ASIC2: variants seen among roughly 807,000 people sequenced by gnomAD.
The protein encoded by ASIC2 is acid-sensing ion channel 2.
In ASIC2, 25 loss-of-function variants were observed where a neutral mutation model predicts 57.3. The observed-to-expected ratio is 0.44, with a 90% CI of 0.32 to 0.61. The LOEUF (loss-of-function observed/expected upper bound fraction) is 0.61, where lower values mean the gene tolerates loss of function less well. ASIC2 is among the 20% of genes least tolerant of loss of function. The pLI, the probability that ASIC2 is intolerant of heterozygous loss-of-function variation, is 0.06. For synonymous variants in ASIC2, 319 were observed against 307.5 expected, an observed-to-expected ratio of 1.04 and a Z score of -0.39; for missense variants, 641 against 738.1, an observed-to-expected ratio of 0.87 and a Z score of 1.52.
chr17:33,414,005 G>A (rs538108984), intron 1 of ASIC2, among the ~76,000 whole-genome samples: 30 of 152,278 alleles, frequency 2.0e-4, no homozygotes, highest in African/African-American at 7.2e-4. Flanking sequence ...CATCATTTGA[G>A]GAGACCTTCA....
At chr17:33,051,311 C>A (rs948555081) in intron 3 of ASIC2, among the ~76,000 whole-genome samples, 3 of 152,156 alleles carry the variant, frequency 2.0e-5, no homozygotes, top group African/African-American at 4.8e-5. Context: ...TCTTTTGAAT[C>A]CTGGTCCTAC....
At chr17:34,086,594 T>C (rs1351752352) in intron 1 of ASIC2, among the ~76,000 whole-genome samples, 1 of 152,330 alleles carries the variant, frequency 6.6e-6, no homozygotes, top group South Asian at 2.1e-4. Context: ...TGGGTATCCT[T>C]GTTAACTTTG....
chr17:33,404,827 G>A (rs567114283), intron 1 of ASIC2, among the ~76,000 whole-genome samples: 4 of 152,238 alleles, frequency 2.6e-5, no homozygotes, highest in African/African-American at 7.2e-5. Context: ...AGATGATATA[G>A]GTATTTCTGG....
At chr17:33,967,820 T>C (rs1213449772) in intron 1 of ASIC2, among the ~76,000 whole-genome samples, 5 of 152,142 alleles carry the variant, frequency 3.3e-5, no homozygotes, top group Non-Finnish European at 7.4e-5. Flanking sequence ...GTAGACAAGA[T>C]GTGACAAGAT....
At chr17:33,468,514 A>G (rs993138452) in intron 1 of ASIC2, among the ~76,000 whole-genome samples, 3 of 152,146 alleles carry the variant, frequency 2.0e-5, no homozygotes, top group Non-Finnish European at 4.4e-5. Flanking sequence ...ATAAAAGAAA[A>G]ATTATATTTC....
rs549862976 is a variant in ASIC2, at chr17:33,397,749, C to T, written c.556-285682G>A. ...GCAAAAGGTCAGTGCAACAAGAAAGCTCAGGGCATAGCTCAAGGCCTAGCT... is the reference window on the plus strand; with the variant it reads ...GCAAAAGGTCAGTGCAACAAGAAAGTTCAGGGCATAGCTCAAGGCCTAGCT... On this transcript the variant is annotated intron_variant, in intron 1 of 9. Transcript: ENST00000359872. Among the ~76,000 whole-genome samples, 5 of 152,350 alleles carry T rather than the reference C, an allele frequency of 3.3e-5. No homozygotes were observed. The South Asian group carries it at 1.0e-3, about 32-fold the overall frequency.
intron 1 of ASIC2, among the ~76,000 whole-genome samples, chr17:34,055,535 G>T (rs1908734717): frequency 6.6e-6 from 1 of 152,018 alleles, no homozygotes; most frequent in Non-Finnish European, 1.5e-5. Flanking sequence ...GTTCCTTCTT[G>T]TTTCCTCTTA....
Position 33,881,514 on chromosome 17 carries a change from G to T in ASIC2, c.555+274464C>A, listed in dbSNP as rs190185729. Among the ~76,000 whole-genome samples, 96 of 152,288 alleles carry T rather than the reference G, an allele frequency of 6.3e-4. 2 individuals carry two copies. The East Asian group carries it at 0.016, about 25-fold the overall frequency. ...CATGAGTGAACTCCCACTCACAATT[G>T]CTTCAAAGAGAACAAAATAACTAGG... On this transcript the variant is annotated intron_variant, in intron 1 of 9. Transcript: ENST00000359872.
rs116669016 is a variant in ASIC2 at position 33,743,693 on chromosome 17, C to T, written c.555+412285G>A. Among the ~76,000 whole-genome samples the T allele has an allele frequency of 3.0e-3, 451 of 152,318 alleles. 2 individuals carry two copies. Among genetic ancestry groups the T allele is most frequent in the African/African-American group, 0.01 (432 of 41,554 alleles). ...CAGCATTTGGATTTCAATCACAACA[C>T]GAGCTCTTTCCTGGGATTCAGCCTG... On this transcript the variant is annotated intron_variant, in intron 1 of 9. Coordinates refer to the ASIC2 transcript ENST00000359872.
chr17:33,256,007 A>G (rs930383098), intron 1 of ASIC2, among the ~76,000 whole-genome samples: 1 of 152,214 alleles, frequency 6.6e-6, no homozygotes, highest in Admixed American at 6.5e-5. Context: ...TTTAATTCAC[A>G]CTAGGAAAAA....
chr17:34,123,074 C>G lies in ASIC2; in HGVS notation c.555+32904G>C, dbSNP rs145860553. On this transcript the variant is annotated intron_variant, in intron 1 of 9. Coordinates refer to the ASIC2 transcript ENST00000359872. ...AACAGCTCTGTGGGCATCTAGGGTTCCAATTGCTCCAAGTTGTCGGAAGAC... is the reference window on the plus strand; with the variant it reads ...AACAGCTCTGTGGGCATCTAGGGTTGCAATTGCTCCAAGTTGTCGGAAGAC... Among the ~76,000 whole-genome samples, 1,350 of 152,284 alleles carry G rather than the reference C, an allele frequency of 8.9e-3. 22 individuals are homozygous for G. Among genetic ancestry groups the G allele is most frequent in the African/African-American group, 0.031 (1,268 of 41,536 alleles).
intron 1 of ASIC2, among the ~76,000 whole-genome samples, chr17:34,086,740 A>G (rs531483107): frequency 6.6e-6 from 1 of 152,318 alleles, no homozygotes; most frequent in South Asian, 2.1e-4. Context: ...GGGTGCGTAT[A>G]TATTTAGGAT....
At chr17:33,984,157 C>A (rs2142005849) in intron 1 of ASIC2, 1 of 152,358 alleles carries the variant, frequency 6.6e-6, no homozygotes, top group Admixed American at 6.5e-5. Context: ...ATTAGTCAGC[C>A]CTCTCCAATG....
intron 1 of ASIC2, among the ~76,000 whole-genome samples, chr17:34,142,495 A>C (rs1452446014): frequency 6.6e-6 from 1 of 152,212 alleles, no homozygotes; most frequent in Non-Finnish European, 1.5e-5. Flanking sequence ...CAAATTATTT[A>C]ATTCTCCCCA....
At chr17:34,123,754 C>T (rs1911694666) in intron 1 of ASIC2, among the ~76,000 whole-genome samples, 1 of 152,158 alleles carries the variant, frequency 6.6e-6, no homozygotes, top group Non-Finnish European at 1.5e-5. Context: ...GAAGGCTTGA[C>T]CTGGACTAGG....
At chr17:33,401,513 G>T (rs954290535) in intron 1 of ASIC2, among the ~76,000 whole-genome samples, 16 of 152,114 alleles carry the variant, frequency 1.1e-4, no homozygotes, top group Non-Finnish European at 1.8e-4. Flanking sequence ...TCCATCGCTT[G>T]GCTGCACTGG....
rs150040104 is a variant in ASIC2 at position 33,558,208 on chromosome 17, C to T, written c.556-446141G>A. On this transcript the variant is annotated intron_variant, in intron 1 of 9. Coordinates refer to the ASIC2 transcript ENST00000359872. ...AGATAAAAGAAAAGACAGCTGGGCC[C>T]GGGGGGCCACTACCAGTCCGACCCT... Among the ~76,000 whole-genome samples, 1,475 of 150,522 alleles carry T rather than the reference C, an allele frequency of 9.8e-3. 16 individuals are homozygous for T. Among genetic ancestry groups the T allele is most frequent in the African/African-American group, 0.03 (1,215 of 41,130 alleles).
At chr17:33,542,499 A>T (rs2141970099) in intron 1 of ASIC2, among the ~76,000 whole-genome samples, 1 of 122,536 alleles carries the variant, frequency 8.2e-6, no homozygotes, top group African/African-American at 3.1e-5. Flanking sequence ...ATGGCTAGTG[A>T]TGATGAGCAT....
At chr17:33,438,759 A>C (rs1278171397) in intron 1 of ASIC2, among the ~76,000 whole-genome samples, 1 of 151,884 alleles carries the variant, frequency 6.6e-6, no homozygotes, top group Non-Finnish European at 1.5e-5. Context: ...GAGCAGGCAC[A>C]TGAGGCACAT....
Sources: gnomAD v4.1 joint callset for allele counts (sites outside exome capture counted in the v4.1 genomes callset) on GRCh38, gnomAD v4.1.1 for gene constraint, MANE v1.5 for transcripts, NCBI Gene and HGNC (gene_info 2026-07-23, HGNC 2026-07-21) for gene names.